GCLM: variants seen among roughly 807,000 people sequenced by gnomAD.
The protein encoded by GCLM is glutamate--cysteine ligase regulatory subunit.
GCLM carries 15 observed loss-of-function variants against 36.0 expected under a neutral mutation model. The ratio of observed to expected loss-of-function variants is 0.42; its 90% confidence interval spans 0.28 to 0.64. GCLM has a LOEUF of 0.64. Among genes scored for constraint, GCLM ranks in the 30% least tolerant of loss-of-function variants. GCLM has a pLI of 0.25. For synonymous variants in GCLM, 129 were observed against 122.8 expected (o/e 1.05, Z -0.34); for missense variants, 242 against 325.5 (o/e 0.74, Z 1.97).
At chr1:93,896,058 G>A (rs1571200060) in intron 5 of GCLM, among the ~76,000 whole-genome samples, 1 of 151,282 alleles carries the variant, frequency 6.6e-6, no homozygotes, top group East Asian at 1.9e-4. Flanking sequence ...CGCCTCTGAG[G>A]TTCAAGTGAT....
chr1:93,895,090 C>A (rs923290953), intron 5 of GCLM, among the ~76,000 whole-genome samples: 1 of 150,284 alleles, frequency 6.7e-6, no homozygotes, highest in African/African-American at 2.5e-5. Context: ...TCTTGGCTCA[C>A]TGCAACCTCC....
intron 5 of GCLM, 51 bp from the exon 6 acceptor site, chr1:93,894,779 CA>C: frequency 1.2e-6 from 1 of 835,030 alleles, no homozygotes; most frequent in Non-Finnish European, 2.1e-6. Flanking sequence ...AATATAATAC[CA>C]AAAGTAGAAA....
chr1:93,898,761 A>T (rs1005086980), intron 3 of GCLM, among the ~76,000 whole-genome samples: 2 of 152,090 alleles, frequency 1.3e-5, no homozygotes, highest in Non-Finnish European at 2.9e-5. Context: ...AGTAGCTAGG[A>T]CTACAGGCAT....
intron 6 of GCLM, among the ~76,000 whole-genome samples, chr1:93,891,888 A>G (rs1419225666): frequency 1.3e-5 from 2 of 152,212 alleles, no homozygotes; most frequent in African/African-American, 4.8e-5. Context: ...TAACTCAGTT[A>G]ATCCACATGC....
Position 93,909,112 on chromosome 1 carries a change from G to A in GCLM, c.52C>T (p.Leu18=). The A allele has an allele frequency of 1.1e-5, 16 of 1,469,606 alleles. No individual in the cohort carries two copies. The highest frequency in any genetic ancestry group is 1.4e-5 in the Non-Finnish European group (16 of 1,115,252). 91.0% of individuals were successfully genotyped at this position (1,469,606 alleles called of 1,614,324 possible). A position where few individuals can be genotyped will look rare whatever the true frequency, so the allele number is the denominator to read the frequency against. Residue 18 remains leucine, a synonymous_variant, in exon 1 of 7, where the codon CTG becomes TTG. Transcript: ENST00000370238. The part of the protein sequence containing the change: ...AKALLARART[L]HLQTGNLLNW... ...AGCAGGTTCCCCGTCTGCAGGTGCA[G>A]GGTGCGGGCCCGCGCCAGGAGCGCC... is the stretch of plus-strand genomic sequence containing the variant.
At chr1:93,898,996 C>T (rs1192990194) in intron 3 of GCLM, among the ~76,000 whole-genome samples, 1 of 152,122 alleles carries the variant, frequency 6.6e-6, no homozygotes, top group Admixed American at 6.5e-5. Flanking sequence ...AGTCTCATCA[C>T]CCAAATTACT....
chr1:93,909,095 C>A lies in GCLM; in HGVS notation c.69G>T (p.Gly23=), dbSNP rs1657262049. Residue 23 remains glycine (G), a synonymous_variant, in exon 1 of 7, where the codon GGG becomes GGT. Coordinates refer to ENST00000370238, the MANE Select transcript of GCLM (RefSeq NM_002061.4). ...ARARTLHLQT[G]NLLNWGRLRK... The stretch of plus-strand genomic sequence containing the variant: ...GCAGGCGGCCCCAGTTCAGCAGGTT[C>A]CCCGTCTGCAGGTGCAGGGTGCGGG... 1 of 1,472,956 alleles carries A rather than the reference C, an allele frequency of 6.8e-7. No individual in the cohort carries two copies. The highest frequency in any genetic ancestry group is 3.0e-5 in the East Asian group (1 of 33,052). The allele number at this position is 1,472,956 out of a possible 1,614,324, so 91.2% of individuals were successfully genotyped here.
chr1:93,896,382 A>C (rs1656735304), intron 5 of GCLM, among the ~76,000 whole-genome samples: 2 of 152,192 alleles, frequency 1.3e-5, no homozygotes, highest in Non-Finnish European at 2.9e-5. Context: ...CACTCATTTT[A>C]ACCAGGATTA....
intron 6 of GCLM, among the ~76,000 whole-genome samples, chr1:93,894,193 G>A (rs1656635079): frequency 6.6e-6 from 1 of 151,940 alleles, no homozygotes; most frequent in Admixed American, 6.6e-5. Context: ...GGGAGGTGGA[G>A]ACTGCAGTCA....
At chr1:93,904,492 T>A (rs375362956) in intron 2 of GCLM, 31 bp downstream of exon 2, 19 of 1,395,400 alleles carry the variant, frequency 1.4e-5, no homozygotes, top group Non-Finnish European at 1.9e-5. Flanking sequence ...CTTTTTGACC[T>A]GCATGATTTT....
intron 2 of GCLM, among the ~76,000 whole-genome samples, chr1:93,902,582 T>A (rs1656999177): frequency 6.6e-6 from 1 of 151,744 alleles, no homozygotes; most frequent in South Asian, 2.1e-4. Context: ...CTCCCTACAC[T>A]CACATCCACA....
At chr1:93,902,302 C>G (rs1656981272) in intron 2 of GCLM, among the ~76,000 whole-genome samples, 1 of 151,884 alleles carries the variant, frequency 6.6e-6, no homozygotes. Flanking sequence ...CCTCAGTGTC[C>G]CGAGTAGCTG....
Position 93,888,122 on chromosome 1 carries a change from T to G in GCLM, c.*868A>C, listed in dbSNP as rs1388683225. ...ATTACACATTTTACTCAACTGATTC[T>G]TAATTCCTAGCTCTATTGCCCCCTC... On this transcript the variant is annotated 3_prime_UTR_variant, in exon 7 of 7. Coordinates refer to ENST00000370238, the MANE Select transcript of GCLM (RefSeq NM_002061.4). The G allele has an allele frequency of 6.6e-6, 1 of 152,186 alleles. No homozygotes were observed. The highest frequency in any genetic ancestry group is 1.5e-5 in the Non-Finnish European group (1 of 68,032). The allele number at this position is 152,186 out of a possible 1,614,324, so 9.4% of individuals were successfully genotyped here.
At chr1:93,901,725 A>T in intron 2 of GCLM, 56 bp from the exon 3 acceptor site, 1 of 957,942 alleles carries the variant, frequency 1.0e-6, no homozygotes, top group Non-Finnish European at 1.6e-6. Context: ...CTGATTAATT[A>T]TAAAATTTTC....
intron 3 of GCLM, among the ~76,000 whole-genome samples, chr1:93,900,750 T>G (rs984729103): frequency 1.3e-5 from 2 of 152,226 alleles, no homozygotes; most frequent in Non-Finnish European, 2.9e-5. Context: ...TTTATTATTA[T>G]TATCCATCTC....
At chr1:93,903,739 T>C (rs1657046329) in intron 2 of GCLM, among the ~76,000 whole-genome samples, 1 of 152,214 alleles carries the variant, frequency 6.6e-6, no homozygotes, top group South Asian at 2.1e-4. Context: ...TATTAGTACA[T>C]ATAAATCAGA....
In GCLM at chr1:93,904,299, A is replaced by C. The variant is rs566624482; in HGVS notation, c.192+224T>G. The stretch of plus-strand genomic sequence containing the variant: ...GAGGAAACCATGGTGAGAATTAAGC[A>C]TGAGAATCCTAGTATCTTGTCTGGT... On this transcript the variant is annotated intron_variant, in intron 2 of 6. Transcript: ENST00000370238. 4.4e-5 allele frequency: 22 copies of C among 503,020 alleles called. No homozygotes were observed. The South Asian group carries it at 4.6e-4, about 10-fold the overall frequency. The allele number at this position is 503,020 out of a possible 1,614,324, so 31.2% of individuals were successfully genotyped here.
intron 4 of GCLM, among the ~76,000 whole-genome samples, chr1:93,897,583 A>C (rs1270649579): frequency 6.6e-6 from 1 of 152,076 alleles, no homozygotes; most frequent in East Asian, 1.9e-4. Context: ...GCTAAGAATA[A>C]GAACTTCTAT....
intron 1 of GCLM, 58 bp downstream of exon 1, chr1:93,908,980 G>A: frequency 1.5e-6 from 2 of 1,351,052 alleles, no homozygotes; most frequent in East Asian, 3.2e-5. Context: ...TGCCGGAACC[G>A]CCCGGCCCCG....
Sources: gnomAD v4.1 joint callset for allele counts (sites outside exome capture counted in the v4.1 genomes callset) on GRCh38, gnomAD v4.1.1 for gene constraint, MANE v1.5 for transcripts, NCBI Gene and HGNC (gene_info 2026-07-23, HGNC 2026-07-21) for gene names.